SLIT3: variants seen among roughly 807,000 people sequenced by gnomAD.
SLIT3 encodes the protein slit homolog 3 protein.
In SLIT3, 68 loss-of-function variants were observed where a neutral mutation model predicts 184.0. The observed-to-expected ratio is 0.37, with a 90% confidence interval of 0.30 to 0.45. The LOEUF is 0.45. SLIT3 is among the 20% of genes least tolerant of loss of function. SLIT3 has a pLI of 1.00. For missense variants in SLIT3, 1,707 were observed against 2,026.0 expected (o/e 0.84, Z 3.02); for synonymous variants, 831 against 828.6 (o/e 1.00, Z -0.05).
chr5:169,260,584 C>T (rs1766129970), intron 1 of SLIT3, among the ~76,000 whole-genome samples: 1 of 152,168 alleles, frequency 6.6e-6, no homozygotes, highest in African/African-American at 2.4e-5. Context: ...GATAATTGCT[C>T]CATTGCTTCT....
intron 5 of SLIT3, among the ~76,000 whole-genome samples, chr5:168,866,706 T>G (rs1759315521): frequency 6.6e-6 from 1 of 152,222 alleles, no homozygotes; most frequent in South Asian, 2.1e-4. Flanking sequence ...GACTCTGCTA[T>G]GTGACCTTGG....
At chr5:169,142,844 C>G (rs1474682684) in intron 4 of SLIT3, among the ~76,000 whole-genome samples, 1 of 152,250 alleles carries the variant, frequency 6.6e-6, no homozygotes, top group African/African-American at 2.4e-5. Flanking sequence ...TAGGCATGTA[C>G]TCCAAGCTGA....
intron 4 of SLIT3, among the ~76,000 whole-genome samples, chr5:168,942,602 T>C (rs542323663): frequency 1.3e-5 from 2 of 152,368 alleles, no homozygotes; most frequent in African/African-American, 4.8e-5. Flanking sequence ...AACTGGCTTC[T>C]GCCCTAAACT....
chr5:169,216,543 C>G (rs1015736872), intron 3 of SLIT3, among the ~76,000 whole-genome samples: 1 of 152,146 alleles, frequency 6.6e-6, no homozygotes, highest in Admixed American at 6.5e-5. Flanking sequence ...GAGATTTGGC[C>G]AATTACCGAA....
intron 14 of SLIT3, among the ~76,000 whole-genome samples, chr5:168,766,636 G>A (rs1006774404): frequency 1.3e-5 from 2 of 152,226 alleles, no homozygotes; most frequent in African/African-American, 2.4e-5. Context: ...GTGGCTGCGG[G>A]GCCAGTAAAG....
At chr5:168,840,135 C>T (rs1294545984) in intron 6 of SLIT3, among the ~76,000 whole-genome samples, 3 of 152,180 alleles carry the variant, frequency 2.0e-5, no homozygotes, top group African/African-American at 7.2e-5. Context: ...ACAGCACACG[C>T]CGGTTATCTA....
intron 28 of SLIT3, among the ~76,000 whole-genome samples, chr5:168,694,074 AAT>A (rs1392429752): frequency 3.3e-5 from 5 of 152,076 alleles, no homozygotes; most frequent in Non-Finnish European, 7.4e-5. Flanking sequence ...GTGGAGATTA[AAT>A]GAGATTATAC....
At chr5:168,901,328 C>A (rs1344700574) in intron 4 of SLIT3, among the ~76,000 whole-genome samples, 1 of 150,950 alleles carries the variant, frequency 6.6e-6, no homozygotes, top group Non-Finnish European at 1.5e-5. Context: ...GACACCACTG[C>A]ACTCGAGCCT....
chr5:168,981,643 C>T (rs1754948664), intron 4 of SLIT3, among the ~76,000 whole-genome samples: 1 of 152,180 alleles, frequency 6.6e-6, no homozygotes, highest in Non-Finnish European at 1.5e-5. Flanking sequence ...CTGCCCCCAT[C>T]CCTCCTGCCC....
chr5:169,153,794 C>T (rs1290216466), intron 4 of SLIT3, among the ~76,000 whole-genome samples: 1 of 152,214 alleles, frequency 6.6e-6, no homozygotes, highest in Non-Finnish European at 1.5e-5. Context: ...CTTTTGCCTT[C>T]AGTGTGGAGT....
chr5:169,118,619 A>C (rs1403529582), intron 4 of SLIT3, among the ~76,000 whole-genome samples: 1 of 152,254 alleles, frequency 6.6e-6, no homozygotes, highest in Admixed American at 6.5e-5. Context: ...GAAATGACCC[A>C]GGAATTTGTA....
At chr5:168,853,808 C>G (rs1478442154) in intron 5 of SLIT3, among the ~76,000 whole-genome samples, 1 of 152,202 alleles carries the variant, frequency 6.6e-6, no homozygotes, top group Non-Finnish European at 1.5e-5. Context: ...TGTGAATACA[C>G]CAAGTACTTT....
chr5:168,743,050 T>C (rs1254289840), intron 20 of SLIT3, among the ~76,000 whole-genome samples: 1 of 152,162 alleles, frequency 6.6e-6, no homozygotes, highest in East Asian at 1.9e-4. Context: ...GAAAATGGCA[T>C]GAACCCTGGA....
At chr5:168,721,370 T>C (rs1013864022) in intron 23 of SLIT3, among the ~76,000 whole-genome samples, 3 of 152,168 alleles carry the variant, frequency 2.0e-5, no homozygotes, top group African/African-American at 7.2e-5. Context: ...AAGTGAATAT[T>C]TGTTAAGCAT....
At chr5:169,230,402 C>T (rs1243918761) in intron 3 of SLIT3, among the ~76,000 whole-genome samples, 7 of 152,256 alleles carry the variant, frequency 4.6e-5, no homozygotes, top group South Asian at 4.1e-4. Context: ...TAACAGAAGC[C>T]GATTCCTCTC....
At chr5:169,053,961 C>G (rs547091750) in intron 4 of SLIT3, among the ~76,000 whole-genome samples, 1 of 151,934 alleles carries the variant, frequency 6.6e-6, no homozygotes, top group East Asian at 1.9e-4. Flanking sequence ...CCTGGTGGCG[C>G]ACGCCTGTAA....
At chr5:169,272,009 C>T (rs1297416129) in intron 1 of SLIT3, among the ~76,000 whole-genome samples, 2 of 152,206 alleles carry the variant, frequency 1.3e-5, no homozygotes, top group South Asian at 4.1e-4. Context: ...GGAAACTGGG[C>T]AGGTGCAGGG....
chr5:168,849,917 C>T (rs1002633698), intron 5 of SLIT3, among the ~76,000 whole-genome samples: 6 of 152,056 alleles, frequency 3.9e-5, no homozygotes, highest in African/African-American at 9.7e-5. Flanking sequence ...TTCTTTCCTC[C>T]CTATTATCCA....
chr5:168,927,481 A>G (rs1761867267), intron 4 of SLIT3, among the ~76,000 whole-genome samples: 1 of 152,210 alleles, frequency 6.6e-6, no homozygotes, highest in Non-Finnish European at 1.5e-5. Flanking sequence ...TAAATTACAT[A>G]CTTAAAGATG....
Sources: allele counts gnomAD v4.1 joint callset (sites outside exome capture counted in the v4.1 genomes callset), GRCh38; gene constraint gnomAD v4.1.1; transcripts MANE v1.5; gene names NCBI Gene and HGNC (gene_info 2026-07-23, HGNC 2026-07-21).